The following GLUD1 variants were observed in gnomAD, a reference collection of about 807,000 sequenced individuals.
The protein encoded by GLUD1 is glutamate dehydrogenase 1.
In GLUD1, 22 loss-of-function variants were observed where a neutral mutation model predicts 56.0. That is an observed-to-expected ratio of 0.39 (90% confidence interval 0.28 to 0.56). The LOEUF is 0.56. GLUD1 is among the 20% of genes least tolerant of loss of function. The pLI, the probability that GLUD1 is intolerant of heterozygous loss-of-function variation, is 0.58. For missense variants in GLUD1, 451 were observed against 732.0 expected, an observed-to-expected ratio of 0.62 and a Z score of 4.43; for synonymous variants, 223 against 269.9, an observed-to-expected ratio of 0.83 and a Z score of 1.70.
chr10:87,070,534 C>T (rs919810555), intron 4 of GLUD1, among the ~76,000 whole-genome samples: 1 of 151,718 alleles, frequency 6.6e-6, no homozygotes. Flanking sequence ...GGGAGGCAGA[C>T]GTTGCAGTGA....
At chr10:87,061,784 TTTTC>T (rs1427157974) in intron 6 of GLUD1, among the ~76,000 whole-genome samples, 2 of 150,388 alleles carry the variant, frequency 1.3e-5, no homozygotes, top group African/African-American at 4.9e-5. Context: ...CCCAGCTAAT[TTTTC>T]TTTCTTTTTT....
Position 87,051,610 on chromosome 10 carries a change from AC to A in GLUD1, c.*140del. 1 of 952,766 alleles carries A rather than the reference AC, an allele frequency of 1.0e-6. No individual in the cohort carries two copies. The highest frequency in any genetic ancestry group is 1.7e-6 in the Non-Finnish European group (1 of 578,884). 59.0% of individuals were successfully genotyped at this position (952,766 alleles called of 1,614,324 possible). A position where few individuals can be genotyped will look rare whatever the true frequency, so the allele number is the denominator to read the frequency against. On this transcript the variant is annotated 3_prime_UTR_variant, in exon 13 of 13. Transcript: ENST00000277865. ...TAATTTCTTTCTCCTTAACGGGCTG[AC>A]TTGGATTGACTTGTTGAGAATGGTA...
Position 87,094,097 on chromosome 10 carries a change from G to A in GLUD1, c.445+228C>T. 1 of 1,507,846 alleles carries A rather than the reference G, an allele frequency of 6.6e-7. No homozygotes were observed. The highest frequency in any genetic ancestry group is 8.8e-7 in the Non-Finnish European group (1 of 1,130,890). 93.4% of individuals were successfully genotyped at this position (1,507,846 alleles called of 1,614,324 possible). ...CAAGATCAGCATATACAGAGGCCCG[G>A]GGTGACGGCGCGGGGGAGGGGGCAG... On this transcript the variant is annotated intron_variant, in intron 1 of 12. Coordinates refer to ENST00000277865, the MANE Select transcript of GLUD1 (RefSeq NM_005271.5). This position sits in a 1 kb window ranked among gnomAD's most constrained non-coding sequence, Gnocchi z 6.6.
chr10:87,060,517 T>G, intron 8 of GLUD1, 171 bp downstream of exon 8: 1 of 854,200 alleles, frequency 1.2e-6, no homozygotes, highest in Non-Finnish European at 1.9e-6. Context: ...TCTGTGCCGG[T>G]AGCTAAAAGC....
intron 9 of GLUD1, 51 bp from the exon 10 acceptor site, chr10:87,059,324 A>G (rs1845869711): frequency 1.3e-6 from 2 of 1,586,454 alleles, no homozygotes; most frequent in Non-Finnish European, 1.7e-6. Context: ...TTTTCGTAAA[A>G]GCTGAAAATG....
chr10:87,068,299 C>A, intron 4 of GLUD1, 142 bp from the exon 5 acceptor site: 2 of 659,610 alleles, frequency 3.0e-6, no homozygotes, highest in Non-Finnish European at 2.8e-6. Context: ...TAATCAAAGT[C>A]ATAGAAATAT....
intron 5 of GLUD1, among the ~76,000 whole-genome samples, chr10:87,065,744 A>C (rs1261025410): frequency 6.6e-6 from 1 of 152,168 alleles, no homozygotes; most frequent in Non-Finnish European, 1.5e-5. Context: ...ATTTTCTGAT[A>C]CTTACTAAGG....
chr10:87,069,292 G>A (rs547869346), intron 4 of GLUD1, among the ~76,000 whole-genome samples: 6 of 151,944 alleles, frequency 3.9e-5, no homozygotes, highest in Non-Finnish European at 4.4e-5. Context: ...TGAGGAGGGC[G>A]GATCACGAGG....
rs2133874666 is a variant in GLUD1 at position 87,094,517 on chromosome 10, G to C, written c.253C>G (p.Leu85Val). The change falls in exon 1 of 13, where the codon CTG becomes GTG. Residue 85 changes from leucine (L) to valine (V), a missense_variant. By Grantham distance (32) the Leu-to-Val change is conservative (BLOSUM62 1). Coordinates refer to ENST00000277865, the MANE Select transcript of GLUD1 (RefSeq NM_005271.5). This position sits in a 1 kb window ranked among gnomAD's most constrained non-coding sequence, Gnocchi z 6.6. Reference sequence around the variant, plus strand: ...TCCCGGGTCCTCAGGTCCTCCACCAGCTTGTCCTCCACGATGCTGGCGCCG... The same window carrying C: ...TCCCGGGTCCTCAGGTCCTCCACCACCTTGTCCTCCACGATGCTGGCGCCG... ...DRGASIVEDKLVEDLRTRESE... is the reference protein window; with the variant it reads ...DRGASIVEDKVVEDLRTRESE... 1.2e-6 allele frequency: 2 copies of C among 1,613,156 alleles called. No individual in the cohort carries two copies. The highest frequency in any genetic ancestry group is 1.7e-6 in the Non-Finnish European group (2 of 1,179,964).
chr10:87,057,556 AAC>A (rs1251046423), intron 11 of GLUD1, 133 bp downstream of exon 11: 3 of 719,928 alleles, frequency 4.2e-6, no homozygotes, highest in Non-Finnish European at 7.7e-6. Context: ...AAAGGTACAA[AAC>A]ACACATGTCA....
At chr10:87,057,822 A>C in intron 10 of GLUD1, 40 bp from the exon 11 acceptor site, 4 of 131,558 alleles carry the variant, frequency 3.0e-5, no homozygotes, top group Non-Finnish European at 3.5e-5. Context: ...TTGCTAACAG[A>C]AAAAAAAAAA....
At chr10:87,092,712 A>G (rs1435922172) in intron 1 of GLUD1, 1 of 369,364 alleles carries the variant, frequency 2.7e-6, no homozygotes, top group African/African-American at 2.2e-5. Flanking sequence ...AAAACCACAT[A>G]CACTGATTTA....
At chr10:87,091,841 G>A (rs547205005) in intron 1 of GLUD1, among the ~76,000 whole-genome samples, 83 of 152,056 alleles carry the variant, frequency 5.5e-4, no homozygotes, top group African/African-American at 1.8e-3. Flanking sequence ...TGGTAAAAGG[G>A]TGGAGAGAGG....
rs1357651615 is a variant in GLUD1, at chr10:87,094,838, AG to A, written c.-70del. The A allele has an allele frequency of 3.2e-6, 4 of 1,235,060 alleles. No homozygotes were observed. The East Asian group carries it at 1.2e-4, about 38-fold the overall frequency. 76.5% of individuals were successfully genotyped at this position (1,235,060 alleles called of 1,614,324 possible). ...GCGCTTTCTCAGACTCCCCGCGACTAGGGAGGAAGGGTCCCGCGCGGGTTGC... is the reference window on the plus strand; with the variant it reads ...GCGCTTTCTCAGACTCCCCGCGACTAGGAGGAAGGGTCCCGCGCGGGTTGC... On this transcript the variant is annotated 5_prime_UTR_variant, in exon 1 of 13. Coordinates refer to ENST00000277865, the MANE Select transcript of GLUD1 (RefSeq NM_005271.5). The surrounding 1 kb of genome is among the most constrained non-coding windows in gnomAD (Gnocchi z 6.6).
chr10:87,094,092 GC>G lies in GLUD1; in HGVS notation c.445+232del. The G allele has an allele frequency of 2.0e-6, 3 of 1,507,406 alleles. No homozygotes were observed. Among genetic ancestry groups the G allele is most frequent in the Non-Finnish European group, 2.7e-6 (3 of 1,130,778 alleles). 93.4% of individuals were successfully genotyped at this position (1,507,406 alleles called of 1,614,324 possible). A position where few individuals can be genotyped will look rare whatever the true frequency, so the allele number is the denominator to read the frequency against. On this transcript the variant is annotated intron_variant, in intron 1 of 12. Transcript: ENST00000277865. This position sits in a 1 kb window ranked among gnomAD's most constrained non-coding sequence, Gnocchi z 6.6. ...GCATGCAAGATCAGCATATACAGAG[GC>G]CCGGGGTGACGGCGCGGGGGAGGGG... is the stretch of plus-strand genomic sequence containing the variant.
intron 5 of GLUD1, among the ~76,000 whole-genome samples, chr10:87,063,884 CTTT>C (rs879765266): frequency 6.9e-6 from 1 of 145,292 alleles, no homozygotes; most frequent in Non-Finnish European, 1.5e-5. Flanking sequence ...CTTTCTTTGT[CTTT>C]TTTTTTTTTG....
At chr10:87,068,983 A>G (rs1451249644) in intron 4 of GLUD1, among the ~76,000 whole-genome samples, 1 of 150,326 alleles carries the variant, frequency 6.7e-6, no homozygotes, top group Non-Finnish European at 1.5e-5. Flanking sequence ...GAAATATGGT[A>G]TACCTATGCA....
chr10:87,060,970 C>T lies in GLUD1; in HGVS notation c.1004G>A (p.Gly335Glu), dbSNP rs1182707441. Reference protein sequence around the residue: ...AKCIAVGESDGSIWNPDGIDP... With the variant: ...AKCIAVGESDESIWNPDGIDP... ...AATACCATCTGGATTCCATATACTCCCATCAGACTCACCAACAGCAATACA... is the reference window on the plus strand; with the variant it reads ...AATACCATCTGGATTCCATATACTCTCATCAGACTCACCAACAGCAATACA... Residue 335 changes from glycine to glutamate, a missense_variant, in exon 7 of 13, where the codon GGG becomes GAG. Coordinates refer to ENST00000277865, the MANE Select transcript of GLUD1 (RefSeq NM_005271.5). The T allele has an allele frequency of 4.3e-6, 7 of 1,614,052 alleles. No individual in the cohort carries two copies. The highest frequency in any genetic ancestry group is 5.9e-6 in the Non-Finnish European group (7 of 1,179,964).
chr10:87,058,647 C>T (rs1385712799), intron 10 of GLUD1, among the ~76,000 whole-genome samples: 1 of 152,170 alleles, frequency 6.6e-6, no homozygotes, highest in Non-Finnish European at 1.5e-5. Context: ...AATCCCAGCA[C>T]TTTGGGAGGC....
Sources: allele counts gnomAD v4.1 joint callset (sites outside exome capture counted in the v4.1 genomes callset), GRCh38; gene constraint gnomAD v4.1.1; non-coding constraint Gnocchi (gnomAD v3.1); transcripts MANE v1.5; gene names NCBI Gene and HGNC (gene_info 2026-07-23, HGNC 2026-07-21).